Variants in ANKS1B observed in about 807,000 individuals in gnomAD.
ANKS1B encodes the protein ankyrin repeat and sterile alpha motif domain containing 1B.
In ANKS1B, 36 loss-of-function variants were observed where a neutral mutation model predicts 148.3. The observed-to-expected ratio is 0.24, with a 90% CI of 0.19 to 0.32. The LOEUF is 0.32. Ranked by LOEUF, ANKS1B falls within the 10% of genes least tolerant of loss-of-function variation. The pLI is 1.00. For missense variants in ANKS1B, 1,157 were observed against 1,542.6 expected, an observed-to-expected ratio of 0.75 and a Z score of 4.19; for synonymous variants, 542 against 560.8, an observed-to-expected ratio of 0.97 and a Z score of 0.47.
chr12:99,851,763 C>T (rs950213553), intron 1 of ANKS1B, among the ~76,000 whole-genome samples: 1 of 152,070 alleles, frequency 6.6e-6, no homozygotes, highest in Non-Finnish European at 1.5e-5. Flanking sequence ...CACTACCAGT[C>T]ACAGGAACAA....
intron 1 of ANKS1B, among the ~76,000 whole-genome samples, chr12:99,942,584 GACAAAAAAAGCA>G (rs1410750525): frequency 6.6e-6 from 1 of 151,960 alleles, no homozygotes; most frequent in African/African-American, 2.4e-5. Flanking sequence ...AGAAAAAGTG[GACAAAAAAAGCA>G]ACATTTTTTT....
At chr12:99,176,615 A>C (rs929079168) in intron 14 of ANKS1B, among the ~76,000 whole-genome samples, 3 of 152,264 alleles carry the variant, frequency 2.0e-5, no homozygotes, top group African/African-American at 7.2e-5. Flanking sequence ...TGTAATCCCT[A>C]GTGTTGGAGG....
intron 15 of ANKS1B, among the ~76,000 whole-genome samples, chr12:99,103,784 A>G (rs2058548086): frequency 6.6e-6 from 1 of 152,196 alleles, no homozygotes; most frequent in African/African-American, 2.4e-5. Flanking sequence ...ACCTACTACA[A>G]TTAATAAATT....
At chr12:99,666,895 T>TGTGG (rs374573568) in intron 8 of ANKS1B, among the ~76,000 whole-genome samples, 25,609 of 144,724 alleles carry the variant, frequency 0.18, 2,657 homozygotes, top group Middle Eastern at 0.24. Context: ...TGTGTGTGTG[T>TGTGG]GGTGAGGACA....
chr12:98,978,781 T>G (rs920071540), intron 17 of ANKS1B, among the ~76,000 whole-genome samples: 1 of 152,280 alleles, frequency 6.6e-6, no homozygotes, highest in South Asian at 2.1e-4. Flanking sequence ...AAAAACCCCA[T>G]GATATACATA....
chr12:99,706,404 T>G (rs1280723754), intron 8 of ANKS1B: 2 of 152,066 alleles, frequency 1.3e-5, no homozygotes, highest in African/African-American at 2.4e-5. Context: ...TATATAATCT[T>G]GACTTTATGA....
chr12:99,135,374 G>A (rs1357769385), intron 15 of ANKS1B, among the ~76,000 whole-genome samples: 1 of 151,992 alleles, frequency 6.6e-6, no homozygotes, highest in Non-Finnish European at 1.5e-5. Context: ...AATAATAGAA[G>A]GGAATTTCCC....
intron 17 of ANKS1B, among the ~76,000 whole-genome samples, chr12:98,922,064 C>T (rs908800839): frequency 2.6e-5 from 4 of 152,200 alleles, no homozygotes; most frequent in Non-Finnish European, 5.9e-5. Context: ...TCCTTTCACA[C>T]ATTCAGAGTT....
chr12:98,901,282 T>C (rs971470623), intron 17 of ANKS1B, among the ~76,000 whole-genome samples: 1 of 152,130 alleles, frequency 6.6e-6, no homozygotes, highest in Admixed American at 6.5e-5. Flanking sequence ...GGATACAAAT[T>C]TGTATTAGCT....
intron 8 of ANKS1B, among the ~76,000 whole-genome samples, chr12:99,718,209 C>G (rs1443837344): frequency 3.3e-5 from 5 of 152,142 alleles, no homozygotes; most frequent in African/African-American, 4.8e-5. Context: ...CGACAATACT[C>G]TTTTAAGCAC....
At chr12:98,830,005 G>A (rs1248223719) in intron 18 of ANKS1B, among the ~76,000 whole-genome samples, 1 of 152,182 alleles carries the variant, frequency 6.6e-6, no homozygotes, top group Non-Finnish European at 1.5e-5. Context: ...TTCTCCTCCG[G>A]ATATTCTGGA....
intron 15 of ANKS1B, among the ~76,000 whole-genome samples, chr12:99,124,024 C>A (rs1566245047): frequency 1.3e-5 from 2 of 152,194 alleles, no homozygotes; most frequent in Non-Finnish European, 2.9e-5. Flanking sequence ...TCTGTCCATG[C>A]AGGGTCTTGG....
At chr12:99,189,983 T>G (rs951961300) in intron 14 of ANKS1B, among the ~76,000 whole-genome samples, 1 of 152,166 alleles carries the variant, frequency 6.6e-6, no homozygotes, top group Non-Finnish European at 1.5e-5. Context: ...ATAAGCAACT[T>G]CAGCAAAGTC....
intron 8 of ANKS1B, among the ~76,000 whole-genome samples, chr12:99,660,025 C>A (rs958724341): frequency 5.9e-5 from 9 of 152,180 alleles, no homozygotes; most frequent in Non-Finnish European, 1.3e-4. Flanking sequence ...GCAATCAAAG[C>A]AAAAGGCAAC....
chr12:98,894,955 G>T (rs957357486), intron 17 of ANKS1B: 17 of 846,208 alleles, frequency 2.0e-5, no homozygotes, highest in South Asian at 1.6e-4. Context: ...CCTCGCACCC[G>T]CCCGGCTCCA....
At chr12:99,331,379 T>C (rs67895041) in intron 12 of ANKS1B, among the ~76,000 whole-genome samples, 22,402 of 151,688 alleles carry the variant, frequency 0.15, 1,932 homozygotes, top group African/African-American at 0.24. Flanking sequence ...TAGCAAAGCA[T>C]TGGCAGTTTC....
At chr12:99,819,637 G>C (rs1203337493) in intron 2 of ANKS1B, among the ~76,000 whole-genome samples, 1 of 151,722 alleles carries the variant, frequency 6.6e-6, no homozygotes, top group African/African-American at 2.4e-5. Context: ...AAAACAGCAT[G>C]CAAGTGTCAC....
Position 99,427,529 on chromosome 12 carries a change from C to T in ANKS1B, c.1575+16144G>A, listed in dbSNP as rs1288511039. Among the ~76,000 whole-genome samples, 3 of 152,302 alleles carry T rather than the reference C, an allele frequency of 2.0e-5. No individual in the cohort carries two copies. The East Asian group carries it at 5.8e-4, about 29-fold the overall frequency. On this transcript the variant is annotated intron_variant, in intron 11 of 26. Coordinates refer to ENST00000683438, the MANE Select transcript of ANKS1B (RefSeq NM_001352186.2). ...CTTCTCTGATTCCAAGTAGTGACTC[C>T]TCCTCCAAATACTGTTTGACTCTGT...
chr12:99,574,310 T>C (rs776180213), intron 9 of ANKS1B, among the ~76,000 whole-genome samples: 16 of 152,124 alleles, frequency 1.1e-4, no homozygotes, highest in Non-Finnish European at 1.8e-4. Context: ...GAGTCTTTTT[T>C]TTCTGGGAAA....
Sources: allele counts gnomAD v4.1 joint callset (sites outside exome capture counted in the v4.1 genomes callset), GRCh38; gene constraint gnomAD v4.1.1; transcripts MANE v1.5; gene names NCBI Gene and HGNC (gene_info 2026-07-23, HGNC 2026-07-21).